BRPF3: variants seen among roughly 807,000 people sequenced by gnomAD.
The protein encoded by BRPF3 is bromodomain and PHD finger containing 3.
A neutral mutation model predicts 102.0 loss-of-function variants in BRPF3; 18 were observed. That is an observed-to-expected ratio of 0.18 (90% CI 0.12 to 0.26). The LOEUF is 0.26. BRPF3 is among the 10% of genes least tolerant of loss of function. BRPF3 has a pLI of 1.00. For missense variants in BRPF3, 1,147 were observed against 1,567.8 expected (o/e 0.73, Z 4.53); for synonymous variants, 570 against 614.2 (o/e 0.93, Z 1.06).
chr6:36,197,273 G>T (rs927881532), intron 1 of BRPF3: 1 of 151,840 alleles, frequency 6.6e-6, no homozygotes, highest in Non-Finnish European at 1.5e-5. Flanking sequence ...CCAGACGAGA[G>T]TCCCGCCCCT....
chr6:36,205,464 C>G (rs1332955596), intron 3 of BRPF3, among the ~76,000 whole-genome samples: 3 of 152,172 alleles, frequency 2.0e-5, no homozygotes, highest in East Asian at 1.9e-4. Flanking sequence ...TCACTTTTGC[C>G]TTTTATAACT....
intron 10 of BRPF3, among the ~76,000 whole-genome samples, chr6:36,222,884 A>G (rs780055263): frequency 6.6e-6 from 1 of 152,236 alleles, no homozygotes; most frequent in Non-Finnish European, 1.5e-5. Flanking sequence ...GAGCCTATCT[A>G]TAGAAGTGGA....
At chr6:36,216,081 C>T (rs1256532542) in intron 8 of BRPF3, among the ~76,000 whole-genome samples, 1 of 152,154 alleles carries the variant, frequency 6.6e-6, no homozygotes, top group Non-Finnish European at 1.5e-5. Context: ...TGGATTTAGG[C>T]ATACCTGCAC....
chr6:36,227,813 A>G (rs886307305), intron 11 of BRPF3, among the ~76,000 whole-genome samples: 3 of 152,166 alleles, frequency 2.0e-5, no homozygotes, highest in African/African-American at 4.8e-5. Flanking sequence ...CCTTAGAGTA[A>G]ACTCCTAACC....
intron 2 of BRPF3, chr6:36,204,441 C>A: frequency 1.7e-6 from 1 of 582,768 alleles, no homozygotes. Context: ...GACTGCAAGG[C>A]AAGAGGTGGA....
chr6:36,215,798 T>C (rs1293880971), intron 8 of BRPF3, among the ~76,000 whole-genome samples: 1 of 151,828 alleles, frequency 6.6e-6, no homozygotes, highest in Non-Finnish European at 1.5e-5. Context: ...GAGATGGGAC[T>C]GAATGTGAAG....
At chr6:36,229,147 G>A in intron 12 of BRPF3, 91 bp downstream of exon 12, 3 of 1,485,212 alleles carry the variant, frequency 2.0e-6, no homozygotes, top group Non-Finnish European at 2.7e-6. Context: ...AGGGGCCATG[G>A]ATGTTACCAG....
intron 1 of BRPF3, chr6:36,197,415 C>T (rs1240790438): frequency 1.3e-5 from 2 of 152,264 alleles, no homozygotes; most frequent in Non-Finnish European, 2.9e-5. Flanking sequence ...GTCAGGCTGT[C>T]TCTGGTGCGC....
At chr6:36,225,483 G>C (rs1006543966) in intron 11 of BRPF3, 119 bp downstream of exon 11, 7 of 879,912 alleles carry the variant, frequency 8.0e-6, no homozygotes, top group South Asian at 3.7e-5. Flanking sequence ...GTAGAGGGGA[G>C]GGGGGTTTTG....
rs748751219 is a variant in BRPF3, at chr6:36,201,606, A to C, written c.1284A>C (p.Glu428Asp). Residue 428 changes from glutamate to aspartate, a missense_variant, in exon 2 of 13, where the codon GAA becomes GAC. Glu to Asp is a conservative substitution (Grantham distance 45). This residue lies in a region of BRPF3 where 157 missense variants were observed against 163.6 expected (regional missense o/e 0.96). Transcript: ENST00000357641. This position sits in a 1 kb window ranked among gnomAD's most constrained non-coding sequence, Gnocchi z 5.1. ...AGGAAGAAGAGGAAGAGGTGGAGGA[A>C]GAAGAGCAGGAAGCTCAAGGCGGGG... ...GEEEEEEEVE[E>D]EEQEAQGGVS... 2 of 1,614,030 alleles carry C rather than the reference A, an allele frequency of 1.2e-6. No individual in the cohort carries two copies. Among genetic ancestry groups the C allele is most frequent in the African/African-American group, 1.3e-5 (1 of 74,938 alleles).
rs577289608 is a variant in BRPF3 at position 36,230,345 on chromosome 6, C to T, written c.3435-81C>T. The T allele has an allele frequency of 1.4e-6, 2 of 1,458,766 alleles. No homozygotes were observed. Among genetic ancestry groups the T allele is most frequent in the Non-Finnish European group, 1.9e-6 (2 of 1,057,112 alleles). The allele number at this position is 1,458,766 out of a possible 1,614,324, so 90.4% of individuals were successfully genotyped here. On this transcript the variant is annotated intron_variant, in intron 12 of 12. Coordinates refer to ENST00000357641, the MANE Select transcript of BRPF3 (RefSeq NM_015695.3). The surrounding 1 kb of genome is among the most constrained non-coding windows in gnomAD (Gnocchi z 5.4). The stretch of plus-strand genomic sequence containing the variant: ...GTACCCTCTCCCTGGCTTTGCTGGT[C>T]CTGGCCAAGTGGGGCCACAGGAGCC...
At chr6:36,202,046 C>T (rs1244016556) in intron 2 of BRPF3, among the ~76,000 whole-genome samples, 1 of 152,190 alleles carries the variant, frequency 6.6e-6, no homozygotes, top group Non-Finnish European at 1.5e-5. Flanking sequence ...TCAATAGGGG[C>T]ACTAAGTGAC....
intron 11 of BRPF3, among the ~76,000 whole-genome samples, chr6:36,228,430 C>T (rs374682821): frequency 6.6e-6 from 1 of 152,194 alleles, no homozygotes; most frequent in Non-Finnish European, 1.5e-5. Flanking sequence ...TTTCCACCCA[C>T]ATCATACCCC....
At chr6:36,218,939 C>T (rs1043387913) in intron 9 of BRPF3, among the ~76,000 whole-genome samples, 5 of 152,156 alleles carry the variant, frequency 3.3e-5, no homozygotes, top group African/African-American at 4.8e-5. Context: ...TTCTGCAAGA[C>T]ACCAGGGCGG....
chr6:36,204,544 A>G (rs534571525), intron 2 of BRPF3, 114 bp from the exon 3 acceptor site: 9 of 1,282,544 alleles, frequency 7.0e-6, no homozygotes, highest in East Asian at 2.3e-5. Flanking sequence ...TGGCCATTTT[A>G]TTCTGTCTTC....
chr6:36,230,282 T>C lies in BRPF3; in HGVS notation c.3435-144T>C. ...CTCACCTGCTAGGTTCTTGGTGGCC[T>C]CCTGCATGGAGTCCCCCAATTTGCT... is the stretch of plus-strand genomic sequence containing the variant. On this transcript the variant is annotated intron_variant, in intron 12 of 12. Coordinates refer to ENST00000357641, the MANE Select transcript of BRPF3 (RefSeq NM_015695.3). The surrounding 1 kb of genome is among the most constrained non-coding windows in gnomAD (Gnocchi z 5.4). The C allele has an allele frequency of 1.5e-6, 1 of 685,454 alleles. No homozygotes were observed. The allele number at this position is 685,454 out of a possible 1,614,324, so 42.5% of individuals were successfully genotyped here.
chr6:36,206,348 G>C (rs961799613), intron 3 of BRPF3, among the ~76,000 whole-genome samples: 4 of 152,190 alleles, frequency 2.6e-5, no homozygotes, highest in African/African-American at 9.7e-5. Context: ...GCTTGGCTTT[G>C]GGGCAGGAAT....
intron 8 of BRPF3, among the ~76,000 whole-genome samples, chr6:36,216,369 C>T (rs533424281): frequency 3.0e-4 from 45 of 152,294 alleles, no homozygotes; most frequent in Middle Eastern, 3.4e-3. Context: ...ACATGAGGCC[C>T]ATCCAACCTG....
intron 9 of BRPF3, among the ~76,000 whole-genome samples, chr6:36,221,281 CTTTTT>C (rs35018880): frequency 3.9e-5 from 3 of 76,730 alleles, no homozygotes; most frequent in South Asian, 1.0e-3. Context: ...AATTGGTCTA[CTTTTT>C]TTTTTTTTTT....
Sources: allele counts gnomAD v4.1 joint callset (sites outside exome capture counted in the v4.1 genomes callset), GRCh38; gene constraint gnomAD v4.1.1; regional missense constraint gnomAD v4.1.1; non-coding constraint Gnocchi (gnomAD v3.1); transcripts MANE v1.5; gene names NCBI Gene and HGNC (gene_info 2026-07-23, HGNC 2026-07-21).